The following MAPK4 variants were observed in gnomAD, a reference collection of about 807,000 sequenced individuals.
MAPK4 encodes mitogen-activated protein kinase 4, also known as Erk3-related.
MAPK4 carries 22 observed loss-of-function variants against 47.7 expected under a neutral mutation model. The ratio of observed to expected loss-of-function variants is 0.46; its 90% CI spans 0.33 to 0.66. The LOEUF is 0.66. Ranked by LOEUF, MAPK4 falls within the 30% of genes least tolerant of loss-of-function variation. MAPK4 has a pLI of 0.02. For synonymous variants in MAPK4, 390 were observed against 365.7 expected, an observed-to-expected ratio of 1.07 and a Z score of -0.76; for missense variants, 736 against 831.7, an observed-to-expected ratio of 0.88 and a Z score of 1.42.
intron 1 of MAPK4, among the ~76,000 whole-genome samples, chr18:50,647,072 C>T (rs2042996891): frequency 6.6e-6 from 1 of 152,204 alleles, no homozygotes; most frequent in Admixed American, 6.5e-5. Flanking sequence ...GGACTGGATC[C>T]TCATTGCCTG....
intron 1 of MAPK4, among the ~76,000 whole-genome samples, chr18:50,591,884 C>T (rs764673461): frequency 3.3e-5 from 5 of 152,084 alleles, no homozygotes; most frequent in Admixed American, 6.5e-5. Flanking sequence ...TTCTAGGGCC[C>T]GCCGGGTTCA....
intron 1 of MAPK4, among the ~76,000 whole-genome samples, chr18:50,648,185 G>A (rs2043009452): frequency 6.6e-6 from 1 of 152,052 alleles, no homozygotes; most frequent in African/African-American, 2.4e-5. Context: ...CTGGAGGGAT[G>A]TTAGCTCTGA....
At chr18:50,577,279 C>T (rs968565743) in intron 1 of MAPK4, among the ~76,000 whole-genome samples, 4 of 152,230 alleles carry the variant, frequency 2.6e-5, no homozygotes, top group South Asian at 2.1e-4. Context: ...CCCTACACAC[C>T]GTATGCATGT....
intron 2 of MAPK4, among the ~76,000 whole-genome samples, chr18:50,711,734 C>T (rs1483461361): frequency 6.6e-6 from 1 of 151,974 alleles, no homozygotes; most frequent in East Asian, 1.9e-4. Flanking sequence ...GGGCAGAGGG[C>T]TATTTGGAGA....
Position 50,730,337 on chromosome 18 carries a change from G to T in MAPK4, c.*483G>T, listed in dbSNP as rs1911495365. Reference sequence around the variant, plus strand: ...CCAGTCTCCTGGCCCCCAGGCCAGGGTCTGTCCACCATAGAATGTCTTCCT... The same window carrying T: ...CCAGTCTCCTGGCCCCCAGGCCAGGTTCTGTCCACCATAGAATGTCTTCCT... On this transcript the variant is annotated 3_prime_UTR_variant, in exon 6 of 6. Transcript: ENST00000400384. 6.5e-6 allele frequency: 1 copy of T among 154,048 alleles called. No homozygotes were observed. The highest frequency in any genetic ancestry group is 2.1e-4 in the South Asian group (1 of 4,858). The allele number at this position is 154,048 out of a possible 1,614,324, so 9.5% of individuals were successfully genotyped here.
intron 2 of MAPK4, among the ~76,000 whole-genome samples, chr18:50,675,088 C>T (rs766256749): frequency 1.5e-4 from 23 of 152,204 alleles, no homozygotes; most frequent in Non-Finnish European, 3.2e-4. Flanking sequence ...CTAATAGGTG[C>T]TGTTGTTGCC....
At chr18:50,653,640 C>A (rs576340256) in intron 1 of MAPK4, among the ~76,000 whole-genome samples, 11 of 152,190 alleles carry the variant, frequency 7.2e-5, no homozygotes, top group African/African-American at 2.4e-4. Context: ...TGGAAGGAAG[C>A]GGAGGAGAAT....
chr18:50,575,792 C>CAAAAAAAA (rs540138636), intron 1 of MAPK4, among the ~76,000 whole-genome samples: 25 of 70,098 alleles, frequency 3.6e-4, no homozygotes, highest in East Asian at 9.9e-4. Flanking sequence ...AATCAACAAG[C>CAAAAAAAA]AAAAAAAAAA....
chr18:50,630,987 C>T (rs955790703), intron 1 of MAPK4, among the ~76,000 whole-genome samples: 1 of 152,200 alleles, frequency 6.6e-6, no homozygotes, highest in Non-Finnish European at 1.5e-5. Context: ...TTTTACTACT[C>T]CCTAAAATTT....
At chr18:50,584,085 C>G (rs2042369208) in intron 1 of MAPK4, among the ~76,000 whole-genome samples, 2 of 152,282 alleles carry the variant, frequency 1.3e-5, no homozygotes, top group South Asian at 4.2e-4. Flanking sequence ...TCTTCTTGCT[C>G]CTTGAGGACT....
intron 1 of MAPK4, among the ~76,000 whole-genome samples, chr18:50,616,392 T>C (rs920167024): frequency 6.6e-6 from 1 of 152,206 alleles, no homozygotes; most frequent in East Asian, 1.9e-4. Context: ...GTCATTGTTA[T>C]TTACTTCTCA....
intron 1 of MAPK4, among the ~76,000 whole-genome samples, chr18:50,613,009 G>A (rs915209721): frequency 6.6e-6 from 1 of 152,194 alleles, no homozygotes; most frequent in African/African-American, 2.4e-5. Flanking sequence ...GGTGAAGCAA[G>A]TGAGAACTTT....
chr18:50,644,399 C>T (rs564249706), intron 1 of MAPK4, among the ~76,000 whole-genome samples: 6 of 152,084 alleles, frequency 3.9e-5, no homozygotes, highest in Non-Finnish European at 8.8e-5. Context: ...CATTGGGTAT[C>T]TGGAGGGCCC....
intron 1 of MAPK4, among the ~76,000 whole-genome samples, chr18:50,646,425 C>T (rs1016086629): frequency 2.0e-4 from 30 of 152,186 alleles, no homozygotes; most frequent in African/African-American, 7.2e-4. Flanking sequence ...GTCCCTGGGT[C>T]CTCTGTGCCC....
chr18:50,596,484 G>A (rs1347471747), intron 1 of MAPK4, among the ~76,000 whole-genome samples: 3 of 152,156 alleles, frequency 2.0e-5, no homozygotes, highest in African/African-American at 7.2e-5. Context: ...TCTCTTGTGG[G>A]AGAACCTGTT....
intron 1 of MAPK4, among the ~76,000 whole-genome samples, chr18:50,601,078 T>C (rs953612360): frequency 2.3e-5 from 3 of 129,784 alleles, no homozygotes; most frequent in African/African-American, 8.9e-5. Context: ...GTTTTGAACA[T>C]AGTAAGACCC....
chr18:50,611,922 T>G (rs2149377718), intron 1 of MAPK4, among the ~76,000 whole-genome samples: 2 of 152,248 alleles, frequency 1.3e-5, no homozygotes, highest in Admixed American at 1.3e-4. Context: ...TCAGGCACAC[T>G]CCATAATCTT....
Position 50,664,468 on chromosome 18 carries a change from G to A in MAPK4, c.510G>A (p.Gly170=), listed in dbSNP as rs1907485960. The A allele has an allele frequency of 6.2e-7, 1 of 1,609,298 alleles. No individual in the cohort carries two copies. Among genetic ancestry groups the A allele is most frequent in the Non-Finnish European group, 8.5e-7 (1 of 1,176,710 alleles). The change falls in exon 2 of 6, where the codon GGG becomes GGA. Residue 170 remains glycine (G), a synonymous_variant. Coordinates refer to ENST00000400384, the MANE Select transcript of MAPK4 (RefSeq NM_002747.4). This position sits in a 1 kb window ranked among gnomAD's most constrained non-coding sequence, Gnocchi z 6.0. ...TCGTGCTCAAGATTGGGGATTTCGG[G>A]TTGGCAAGGATCGTTGATCAGCATT... is the stretch of plus-strand genomic sequence containing the variant. ...EDLVLKIGDF[G]LARIVDQHYS... is the part of the protein sequence containing the mutation.
chr18:50,688,124 T>C (rs1453854233), intron 2 of MAPK4, among the ~76,000 whole-genome samples: 1 of 152,174 alleles, frequency 6.6e-6, no homozygotes, highest in Non-Finnish European at 1.5e-5. Context: ...TCCCTGCCGT[T>C]GAGAGGCTAC....
Sources: allele counts gnomAD v4.1 joint callset (sites outside exome capture counted in the v4.1 genomes callset), GRCh38; gene constraint gnomAD v4.1.1; non-coding constraint Gnocchi (gnomAD v3.1); transcripts MANE v1.5; gene names NCBI Gene and HGNC (gene_info 2026-07-23, HGNC 2026-07-21).